HS6ST2: variants seen among roughly 807,000 people sequenced by gnomAD.
HS6ST2 encodes the protein heparan sulfate 6-O-sulfotransferase 2.
HS6ST2 carries 17 observed loss-of-function variants against 33.0 expected under a neutral mutation model. The observed-to-expected ratio is 0.52, with a 90% CI of 0.35 to 0.77. The LOEUF (loss-of-function observed/expected upper bound fraction) is 0.77. HS6ST2 is among the 30% of genes least tolerant of loss of function. HS6ST2 has a pLI of 0.01. For missense variants in HS6ST2, 519 were observed against 551.7 expected (o/e 0.94, Z 0.59); for synonymous variants, 248 against 237.1 (o/e 1.05, Z -0.42).
intron 2 of HS6ST2, among the ~76,000 whole-genome samples, chrX:132,829,992 T>G (rs1340325462): frequency 8.9e-6 from 1 of 111,832 alleles, no homozygotes; most frequent in Non-Finnish European, 1.9e-5. Flanking sequence ...GTCTCTCTCC[T>G]GTGGTTGCCT....
At position 132,939,326 on chromosome X, in the gene HS6ST2, A is replaced by G. The variant is rs184301686; in HGVS notation, c.947+17482T>C. Among the ~76,000 whole-genome samples, 14 of 111,397 alleles carry G rather than the reference A, an allele frequency of 1.3e-4. 1 individual carries two copies. Among genetic ancestry groups the G allele is most frequent in the African/African-American group, 4.6e-4 (14 of 30,678 alleles). The stretch of plus-strand genomic sequence containing the variant: ...AGCAAGGCTGCAGCATACAAGATCA[A>G]TATTTAAAAATTAACTGGCCGGGCA... On this transcript the variant is annotated intron_variant, in intron 2 of 4. Transcript: ENST00000370833.
intron 4 of HS6ST2, among the ~76,000 whole-genome samples, chrX:132,637,863 T>TATTATATATATA (rs2063568143): frequency 8.5e-5 from 3 of 35,224 alleles, no homozygotes; most frequent in Non-Finnish European, 1.2e-4. Flanking sequence ...ATATATATAA[T>TATTATATATATA]ATATTATATA....
chrX:132,787,198 T>TAC lies in HS6ST2; in HGVS notation c.948-78706_948-78705dup, dbSNP rs763535933. Among the ~76,000 whole-genome samples, 751 of 80,052 alleles carry TAC rather than the reference T, an allele frequency of 9.4e-3. 35 individuals are homozygous for TAC. The highest frequency in any genetic ancestry group is 0.039 in the African/African-American group (687 of 17,780). The allele number at this position is 80,052 out of a possible 115,157, so 69.5% of individuals were successfully genotyped here. On this transcript the variant is annotated intron_variant, in intron 2 of 4. Coordinates refer to ENST00000370833, the MANE Select transcript of HS6ST2 (RefSeq NM_001394073.1). ...ATATATATATATATACATATATATATACACATATATATATACACATATATA... is the reference window on the plus strand; with the variant it reads ...ATATATATATATATACATATATATATACACACATATATATATACACATATATA...
At chrX:132,771,194 TGAAA>T (rs748557208) in intron 2 of HS6ST2, among the ~76,000 whole-genome samples, 4 of 111,377 alleles carry the variant, frequency 3.6e-5, no homozygotes, top group Non-Finnish European at 5.7e-5. Context: ...ATGCAACGAG[TGAAA>T]GAAAGAATGA....
chrX:132,845,409 A>G (rs1395960200), intron 2 of HS6ST2, among the ~76,000 whole-genome samples: 1 of 111,428 alleles, frequency 9.0e-6, no homozygotes. Context: ...AGGGAAGAAC[A>G]TAATTTAGCA....
intron 2 of HS6ST2, among the ~76,000 whole-genome samples, chrX:132,840,115 C>CA (rs895216543): frequency 1.8e-4 from 19 of 107,542 alleles, no homozygotes; most frequent in African/African-American, 5.8e-4. Context: ...GACTCTGTCT[C>CA]AAAAAAAAAT....
At chrX:132,796,034 C>T (rs2065175419) in intron 2 of HS6ST2, among the ~76,000 whole-genome samples, 1 of 112,032 alleles carries the variant, frequency 8.9e-6, no homozygotes, top group Non-Finnish European at 1.9e-5. Flanking sequence ...TCACAGGATA[C>T]ATGTGAGGAT....
At chrX:132,860,785 T>C (rs1430421743) in intron 2 of HS6ST2, among the ~76,000 whole-genome samples, 2 of 84,747 alleles carry the variant, frequency 2.4e-5, no homozygotes, top group East Asian at 3.6e-4. Flanking sequence ...ATCTTTTTTT[T>C]TTTTTTTTTT....
chrX:132,892,196 T>C (rs894150189), intron 2 of HS6ST2, among the ~76,000 whole-genome samples: 1 of 112,342 alleles, frequency 8.9e-6, no homozygotes, highest in African/African-American at 3.2e-5. Flanking sequence ...TTCAAAATGT[T>C]CAAAAATTTA....
intron 2 of HS6ST2, among the ~76,000 whole-genome samples, chrX:132,944,612 G>C (rs2066925396): frequency 9.0e-6 from 1 of 111,504 alleles, no homozygotes; most frequent in Non-Finnish European, 1.9e-5. Context: ...TATACTACAA[G>C]GCTACAGTAA....
At chrX:132,699,720 C>G (rs2064128935) in intron 3 of HS6ST2, among the ~76,000 whole-genome samples, 1 of 111,862 alleles carries the variant, frequency 8.9e-6, no homozygotes, top group African/African-American at 3.2e-5. Context: ...GGATTATGGT[C>G]TAAAAGGTGT....
intron 2 of HS6ST2, among the ~76,000 whole-genome samples, chrX:132,793,381 C>T (rs967086741): frequency 9.0e-6 from 1 of 110,857 alleles, no homozygotes; most frequent in Non-Finnish European, 1.9e-5. Context: ...TTTTTACATG[C>T]CAGCCCCTGT....
At chrX:132,845,681 G>T (rs763831533) in intron 2 of HS6ST2, among the ~76,000 whole-genome samples, 2 of 110,974 alleles carry the variant, frequency 1.8e-5, no homozygotes, top group Non-Finnish European at 3.8e-5. Flanking sequence ...ATCCCATCCG[G>T]CAACTTGAGC....
intron 3 of HS6ST2, among the ~76,000 whole-genome samples, chrX:132,705,186 CGCGTGTGT>C (rs2064179412): frequency 2.5e-5 from 2 of 81,362 alleles, no homozygotes; most frequent in South Asian, 6.6e-4. Flanking sequence ...GATGTGGGCA[CGCGTGTGT>C]GTGTGTGTGT....
intron 2 of HS6ST2, among the ~76,000 whole-genome samples, chrX:132,910,641 G>A (rs1035812312): frequency 7.2e-5 from 8 of 111,793 alleles, no homozygotes; most frequent in African/African-American, 2.6e-4. Context: ...ATGCCTATCA[G>A]ACATAAAGCA....
chrX:132,807,814 T>C (rs2065300260), intron 2 of HS6ST2, among the ~76,000 whole-genome samples: 1 of 111,918 alleles, frequency 8.9e-6, no homozygotes, highest in African/African-American at 3.2e-5. Context: ...AAAACGGCGC[T>C]AGCATTGAAC....
At chrX:132,845,223 A>C (rs2065740967) in intron 2 of HS6ST2, among the ~76,000 whole-genome samples, 1 of 110,043 alleles carries the variant, frequency 9.1e-6, no homozygotes, top group South Asian at 3.9e-4. Context: ...TCCTAAGAAT[A>C]AAAATTACAT....
At chrX:132,773,678 A>C (rs2064928901) in intron 2 of HS6ST2, among the ~76,000 whole-genome samples, 2 of 112,500 alleles carry the variant, frequency 1.8e-5, no homozygotes, top group Non-Finnish European at 3.7e-5. Flanking sequence ...GTGCTAGAGC[A>C]GGGATGCACC....
intron 2 of HS6ST2, among the ~76,000 whole-genome samples, chrX:132,752,882 A>G (rs927959523): frequency 8.9e-6 from 1 of 112,364 alleles, no homozygotes; most frequent in African/African-American, 3.2e-5. Context: ...AGGAGGAAAG[A>G]GAGCAACAGG....
Sources: allele counts gnomAD v4.1 joint callset (sites outside exome capture counted in the v4.1 genomes callset), GRCh38; gene constraint gnomAD v4.1.1; transcripts MANE v1.5; gene names NCBI Gene and HGNC (gene_info 2026-07-23, HGNC 2026-07-21).